SLC30A8: variants seen among roughly 807,000 people sequenced by gnomAD.
The protein encoded by SLC30A8 is solute carrier family 30 member 8, also known as proton-coupled zinc antiporter SLC30A8.
Under a neutral mutation model 36.9 loss-of-function variants are expected in SLC30A8, and 27 were observed. The ratio of observed to expected loss-of-function variants is 0.73; its 90% confidence interval spans 0.54 to 1.01. The LOEUF is 1.01. SLC30A8 is among the 50% of genes least tolerant of loss of function. SLC30A8 has a pLI of 0.00. For synonymous variants in SLC30A8, 164 were observed against 172.4 expected, an observed-to-expected ratio of 0.95 and a Z score of 0.38; for missense variants, 439 against 452.0, an observed-to-expected ratio of 0.97 and a Z score of 0.26.
chr8:117,005,287 C>T (rs185535625), intron 1 of SLC30A8, among the ~76,000 whole-genome samples: 32 of 151,824 alleles, frequency 2.1e-4, no homozygotes, highest in Non-Finnish European at 4.4e-5. Context: ...TTATTCTGGA[C>T]ACTTCATATG....
chr8:117,021,837 G>T (rs964480436), intron 1 of SLC30A8, among the ~76,000 whole-genome samples: 3 of 152,002 alleles, frequency 2.0e-5, no homozygotes, highest in African/African-American at 7.2e-5. Flanking sequence ...GAATAGGAGA[G>T]CCCAGAAGTA....
chr8:117,147,906 T>G lies in SLC30A8; in HGVS notation c.271+753T>G, dbSNP rs147422849. Among the ~76,000 whole-genome samples, 196 of 152,282 alleles carry G rather than the reference T, an allele frequency of 1.3e-3. 1 individual carries two copies. Among genetic ancestry groups the G allele is most frequent in the African/African-American group, 4.6e-3 (190 of 41,594 alleles). Reference sequence around the variant, plus strand: ...TTGCATGCTTATTAGTGATCTGTATTTCCCTCTGTTAATGCATTTTCTCCT... The same window carrying G: ...TTGCATGCTTATTAGTGATCTGTATGTCCCTCTGTTAATGCATTTTCTCCT... On this transcript the variant is annotated intron_variant, in intron 2 of 7. Transcript: ENST00000456015.
chr8:117,113,533 C>G (rs1820320316), intron 2 of SLC30A8, among the ~76,000 whole-genome samples: 1 of 152,108 alleles, frequency 6.6e-6, no homozygotes, highest in African/African-American at 2.4e-5. Context: ...GTATACTAAG[C>G]CTGGCTGCAT....
chr8:117,150,878 T>G (rs1822152231), intron 2 of SLC30A8, among the ~76,000 whole-genome samples: 1 of 152,174 alleles, frequency 6.6e-6, no homozygotes, highest in Non-Finnish European at 1.5e-5. Context: ...GTGCTGAGAT[T>G]ACAGGCGTGA....
chr8:117,151,939 A>T (rs1319457460), intron 2 of SLC30A8, among the ~76,000 whole-genome samples: 1 of 152,158 alleles, frequency 6.6e-6, no homozygotes, highest in African/African-American at 2.4e-5. Flanking sequence ...AGCCCATTAA[A>T]CCTTGACAAA....
intron 1 of SLC30A8, among the ~76,000 whole-genome samples, chr8:116,959,026 T>A (rs1053870740): frequency 9.9e-5 from 15 of 151,954 alleles, no homozygotes; most frequent in African/African-American, 2.9e-4. Context: ...ATTTTTTGTA[T>A]TTTTAGTAGA....
chr8:116,974,367 G>A (rs1013545747), intron 1 of SLC30A8, among the ~76,000 whole-genome samples: 1 of 152,276 alleles, frequency 6.6e-6, no homozygotes, highest in South Asian at 2.1e-4. Flanking sequence ...CCATCAAAAA[G>A]TGGGGGAAGG....
chr8:117,132,971 T>G (rs1821196356), upstream of SLC30A8, among the ~76,000 whole-genome samples: 1 of 152,072 alleles, frequency 6.6e-6, no homozygotes, highest in African/African-American at 2.4e-5. Flanking sequence ...GTAATCATCT[T>G]CAAGAGTAAC....
chr8:116,994,495 G>A (rs1419339610), intron 1 of SLC30A8, among the ~76,000 whole-genome samples: 2 of 152,082 alleles, frequency 1.3e-5, no homozygotes, highest in Non-Finnish European at 2.9e-5. Context: ...CAACATGAAT[G>A]AATCTCACAG....
intron 1 of SLC30A8, among the ~76,000 whole-genome samples, chr8:116,956,286 A>C (rs1814199346): frequency 6.6e-6 from 1 of 152,216 alleles, no homozygotes; most frequent in Non-Finnish European, 1.5e-5. Flanking sequence ...TTCAAGGGAC[A>C]GGCTGAAAAT....
At chr8:117,004,782 T>C (rs1816119322) in intron 1 of SLC30A8, among the ~76,000 whole-genome samples, 1 of 152,198 alleles carries the variant, frequency 6.6e-6, no homozygotes, top group Non-Finnish European at 1.5e-5. Flanking sequence ...TGATTGTTTT[T>C]ATTTTTCTTT....
At chr8:117,124,648 G>GAAAA (rs35557733) in intron 2 of SLC30A8, among the ~76,000 whole-genome samples, 2 of 111,250 alleles carry the variant, frequency 1.8e-5, no homozygotes, top group Admixed American at 9.7e-5. Context: ...CTTGTATCCA[G>GAAAA]AAAAAAAAAA....
intron 2 of SLC30A8, among the ~76,000 whole-genome samples, chr8:117,040,821 A>G (rs1268283316): frequency 1.3e-5 from 2 of 152,194 alleles, no homozygotes; most frequent in African/African-American, 4.8e-5. Flanking sequence ...AGCATCATCT[A>G]GAAGCTTCTT....
At chr8:117,024,382 A>G (rs1337487641) in intron 1 of SLC30A8, among the ~76,000 whole-genome samples, 1 of 152,202 alleles carries the variant, frequency 6.6e-6, no homozygotes, top group African/African-American at 2.4e-5. Context: ...CTTTGAAAAG[A>G]GGTCCTATTG....
chr8:117,157,885 C>G (rs1822582587), intron 4 of SLC30A8, 41 bp downstream of exon 4: 3 of 1,604,616 alleles, frequency 1.9e-6, no homozygotes, highest in Non-Finnish European at 2.6e-6. Context: ...TCATGAGGCT[C>G]TCCTGTAACT....
intron 1 of SLC30A8, among the ~76,000 whole-genome samples, chr8:116,975,802 T>C (rs1814979694): frequency 6.6e-6 from 1 of 152,226 alleles, no homozygotes; most frequent in African/African-American, 2.4e-5. Context: ...GCCAGCAAGG[T>C]TGGAAAAGCC....
chr8:117,154,493 A>G (rs1822372178), intron 3 of SLC30A8, among the ~76,000 whole-genome samples: 1 of 152,220 alleles, frequency 6.6e-6, no homozygotes, highest in Non-Finnish European at 1.5e-5. Flanking sequence ...ATAACTGTGG[A>G]CTGCGGCTTT....
At chr8:117,121,448 A>G (rs1367563328) in intron 2 of SLC30A8, among the ~76,000 whole-genome samples, 5 of 151,926 alleles carry the variant, frequency 3.3e-5, no homozygotes, top group Non-Finnish European at 7.4e-5. Context: ...TGATAATGGC[A>G]GATTCAGTGT....
chr8:117,084,016 C>T (rs2130815724), intron 2 of SLC30A8, among the ~76,000 whole-genome samples: 1 of 152,222 alleles, frequency 6.6e-6, no homozygotes, highest in Non-Finnish European at 1.5e-5. Context: ...GATTAAGTAA[C>T]AGAGCCCTTA....
Sources: allele counts gnomAD v4.1 joint callset (sites outside exome capture counted in the v4.1 genomes callset), GRCh38; gene constraint gnomAD v4.1.1; transcripts MANE v1.5; gene names NCBI Gene and HGNC (gene_info 2026-07-23, HGNC 2026-07-21).